The following HBS1L variants were observed in gnomAD, a reference collection of about 807,000 sequenced individuals.
The protein encoded by HBS1L is HBS1 like translational GTPase, also known as HBS1-like protein.
HBS1L carries 55 observed loss-of-function variants against 88.9 expected under a neutral mutation model. The observed-to-expected ratio is 0.62, with a 90% CI of 0.50 to 0.77. The LOEUF (loss-of-function observed/expected upper bound fraction) is 0.77. HBS1L is among the 30% of genes least tolerant of loss of function. The pLI, the probability that HBS1L is intolerant of heterozygous loss-of-function variation, is 0.00. For missense variants in HBS1L, 741 were observed against 829.3 expected, an observed-to-expected ratio of 0.89 and a Z score of 1.31; for synonymous variants, 267 against 288.5, an observed-to-expected ratio of 0.93 and a Z score of 0.76.
At chr6:135,019,219 C>CTAAATCCAAGCAGTCTAACACAAGT (rs1776005687) in intron 4 of HBS1L, among the ~76,000 whole-genome samples, 1 of 151,826 alleles carries the variant, frequency 6.6e-6, no homozygotes, top group Non-Finnish European at 1.5e-5. Context: ...CAGTTGAAAT[C>CTAAATCCAAGCAGTCTAACACAAGT]TAAATCCAAG....
chr6:135,040,512 C>T (rs191451058), intron 3 of HBS1L, among the ~76,000 whole-genome samples: 6 of 151,904 alleles, frequency 3.9e-5, no homozygotes, highest in Admixed American at 2.0e-4. Flanking sequence ...CCACCATGCC[C>T]GGCTGATTTT....
intron 5 of HBS1L, 45 bp downstream of exon 5, chr6:135,002,689 A>G: frequency 1.1e-6 from 1 of 940,840 alleles, no homozygotes; most frequent in South Asian, 1.3e-5. Context: ...GATTTCAAAA[A>G]CTTGGGGGTG....
At chr6:134,975,679 TG>T (rs1774622553) in intron 15 of HBS1L, among the ~76,000 whole-genome samples, 1 of 152,084 alleles carries the variant, frequency 6.6e-6, no homozygotes, top group Admixed American at 6.6e-5. Flanking sequence ...ATTCAATGGA[TG>T]GTGCTGGGAA....
At chr6:134,966,580 GTCTT>G in intron 16 of HBS1L, 107 bp from the exon 17 acceptor site, 1 of 690,864 alleles carries the variant, frequency 1.4e-6, no homozygotes. Context: ...TATCAACTGA[GTCTT>G]TCAAAAACAA....
chr6:135,035,457 C>G (rs1390497359), intron 4 of HBS1L, among the ~76,000 whole-genome samples: 1 of 146,868 alleles, frequency 6.8e-6, no homozygotes, highest in African/African-American at 2.5e-5. Flanking sequence ...ATAATAAGAA[C>G]AGGCCGGGTG....
At position 134,969,351 on chromosome 6, in the gene HBS1L, A is replaced by G; in HGVS notation, c.1798-13T>C. On this transcript the variant is annotated splice_polypyrimidine_tract_variant and intron_variant, in intron 15 of 17. Transcript: ENST00000367837. ...AGTGTAACAGCACCTAAAACAAAAA[A>G]TTATAACACTAAAAATCTGCTACCA... The G allele has an allele frequency of 6.6e-7, 1 of 1,517,964 alleles. No homozygotes were observed. The highest frequency in any genetic ancestry group is 9.2e-7 in the Non-Finnish European group (1 of 1,092,738). 94.0% of individuals were successfully genotyped at this position (1,517,964 alleles called of 1,614,324 possible).
At chr6:135,047,281 T>G (rs931686423) in intron 2 of HBS1L, among the ~76,000 whole-genome samples, 2 of 152,236 alleles carry the variant, frequency 1.3e-5, no homozygotes, top group African/African-American at 4.8e-5. Context: ...CAGAGAAGCC[T>G]AGATAAATGA....
chr6:134,979,992 C>G (rs763113548), intron 13 of HBS1L, among the ~76,000 whole-genome samples: 1 of 151,986 alleles, frequency 6.6e-6, no homozygotes, highest in Non-Finnish European at 1.5e-5. Context: ...TCGGAGAGAG[C>G]AGTTCCCAAG....
intron 5 of HBS1L, among the ~76,000 whole-genome samples, chr6:135,002,219 C>T (rs1003871190): frequency 6.6e-6 from 1 of 152,066 alleles, no homozygotes; most frequent in Non-Finnish European, 1.5e-5. Flanking sequence ...CCATTTTTCA[C>T]TACATATTTG....
At chr6:135,044,023 T>C (rs546285810) in intron 2 of HBS1L, among the ~76,000 whole-genome samples, 2 of 152,138 alleles carry the variant, frequency 1.3e-5, no homozygotes, top group Non-Finnish European at 2.9e-5. Flanking sequence ...TAGCTCCACA[T>C]TCCTCCCCTT....
intron 1 of HBS1L, among the ~76,000 whole-genome samples, chr6:135,051,960 C>G (rs78595802): frequency 6.9e-4 from 105 of 152,290 alleles, no homozygotes; most frequent in Non-Finnish European, 1.2e-3. Flanking sequence ...AACCATGTGA[C>G]AAGTGCCTGA....
At chr6:135,045,940 CACTT>C in intron 2 of HBS1L, among the ~76,000 whole-genome samples, 1 of 152,210 alleles carries the variant, frequency 6.6e-6, no homozygotes. Flanking sequence ...ACCTATACGC[CACTT>C]TGTGGACCAT....
intron 2 of HBS1L, among the ~76,000 whole-genome samples, chr6:135,048,842 C>T (rs1776992167): frequency 1.3e-5 from 2 of 152,134 alleles, no homozygotes; most frequent in African/African-American, 4.8e-5. Context: ...GAGAAAAGTA[C>T]TTGACCAGAA....
intron 15 of HBS1L, among the ~76,000 whole-genome samples, chr6:134,973,791 G>A (rs1367522306): frequency 1.3e-5 from 2 of 151,564 alleles, no homozygotes; most frequent in African/African-American, 4.9e-5. Flanking sequence ...AGCCAAGATT[G>A]TGCCACTGCA....
At chr6:134,988,948 G>A (rs1775056580) in intron 8 of HBS1L, among the ~76,000 whole-genome samples, 1 of 152,034 alleles carries the variant, frequency 6.6e-6, no homozygotes, top group Non-Finnish European at 1.5e-5. Context: ...TGAAAAAAAA[G>A]CCTTGTATAA....
intron 2 of HBS1L, among the ~76,000 whole-genome samples, chr6:135,046,703 T>C (rs572690829): frequency 1.3e-5 from 2 of 152,238 alleles, no homozygotes; most frequent in Admixed American, 6.5e-5. Flanking sequence ...TTGAGCTTAA[T>C]AGAATTCAAA....
intron 4 of HBS1L, among the ~76,000 whole-genome samples, chr6:135,010,606 T>C (rs1449516862): frequency 6.6e-6 from 1 of 152,180 alleles, no homozygotes; most frequent in Non-Finnish European, 1.5e-5. Flanking sequence ...TATCACAAAG[T>C]ACCTTACCTT....
intron 2 of HBS1L, among the ~76,000 whole-genome samples, chr6:135,048,467 A>G (rs751597280): frequency 1.4e-4 from 22 of 152,150 alleles, no homozygotes; most frequent in Admixed American, 8.5e-4. Flanking sequence ...CTCCCTGCCC[A>G]GAGGTCTGAG....
chr6:135,020,026 A>G (rs1157643884), intron 4 of HBS1L, among the ~76,000 whole-genome samples: 1 of 151,802 alleles, frequency 6.6e-6, no homozygotes, highest in Non-Finnish European at 1.5e-5. Context: ...AAAAATCCCT[A>G]TATGTATGTG....
Sources: allele counts gnomAD v4.1 joint callset (sites outside exome capture counted in the v4.1 genomes callset), GRCh38; gene constraint gnomAD v4.1.1; transcripts MANE v1.5; gene names NCBI Gene and HGNC (gene_info 2026-07-23, HGNC 2026-07-21).